The following FBXL2 variants were observed in gnomAD, a reference collection of about 807,000 sequenced individuals.
FBXL2 encodes the protein F-box/LRR-repeat protein 2.
FBXL2 carries 38 observed loss-of-function variants against 69.2 expected under a neutral mutation model. That is an observed-to-expected ratio of 0.55 (90% CI 0.42 to 0.72). The LOEUF (loss-of-function observed/expected upper bound fraction) is 0.72. Among genes scored for constraint, FBXL2 ranks in the 30% least tolerant of loss-of-function variants. The pLI, the probability that FBXL2 is intolerant of heterozygous loss-of-function variation, is 0.00. For synonymous variants in FBXL2, 192 were observed against 201.3 expected (o/e 0.95, Z 0.39); for missense variants, 354 against 520.3 (o/e 0.68, Z 3.11).
chr3:33,375,113 C>T lies in FBXL2; in HGVS notation c.658-175C>T, dbSNP rs560243824. Reference sequence around the variant, plus strand: ...TCTAAATTGCTGAAATATTTTAAAGCTGTGCAGAGATAACACAAGTACCTG... The same window carrying T: ...TCTAAATTGCTGAAATATTTTAAAGTTGTGCAGAGATAACACAAGTACCTG... On this transcript the variant is annotated intron_variant, in intron 9 of 14. Transcript: ENST00000484457. Among the ~76,000 whole-genome samples, 4 of 152,254 alleles carry T rather than the reference C, an allele frequency of 2.6e-5. No homozygotes were observed. The East Asian group carries it at 5.8e-4, about 22-fold the overall frequency.
At chr3:33,281,454 T>G (rs1338368683) in intron 1 of FBXL2, among the ~76,000 whole-genome samples, 1 of 152,110 alleles carries the variant, frequency 6.6e-6, no homozygotes, top group Non-Finnish European at 1.5e-5. Context: ...TTGTTGGACA[T>G]TTGGGTTGGT....
At chr3:33,343,478 A>G (rs1282574234) in intron 2 of FBXL2, among the ~76,000 whole-genome samples, 1 of 152,078 alleles carries the variant, frequency 6.6e-6, no homozygotes, top group Non-Finnish European at 1.5e-5. Flanking sequence ...TGGCATTAAT[A>G]ATAATGGAAC....
At chr3:33,349,683 T>G (rs914176855) in intron 2 of FBXL2, among the ~76,000 whole-genome samples, 3 of 152,186 alleles carry the variant, frequency 2.0e-5, no homozygotes, top group Non-Finnish European at 1.5e-5. Context: ...GTATTAATTT[T>G]TCTTCAAATG....
chr3:33,383,945 G>C lies in FBXL2; in HGVS notation c.952-44G>C, dbSNP rs2043230265. On this transcript the variant is annotated intron_variant, in intron 13 of 14. Transcript: ENST00000484457. ...GCTTTTTTTTAGGACTTGAGCCTTG[G>C]AATAAGGGTCCTGCAAACATTTACT... 12 of 1,591,318 alleles carry C rather than the reference G, an allele frequency of 7.5e-6. No homozygotes were observed. The East Asian group carries it at 2.5e-4, about 33-fold the overall frequency.
rs2042615852 is a variant in FBXL2, at chr3:33,376,089, G to A, written c.788+671G>A. 3.3e-5 allele frequency among the ~76,000 whole-genome samples: 5 copies of A among 151,866 alleles called. No individual in the cohort carries two copies. In the South Asian group the frequency reaches 1.0e-3, roughly 32 times the overall value. On this transcript the variant is annotated intron_variant, in intron 10 of 14. Transcript: ENST00000484457. Reference sequence around the variant, plus strand: ...GAGAATTGCTTGAACCCGCGAGGCGGAGGTTGCAGTGAGCCAAGATTGTGC... The same window carrying A: ...GAGAATTGCTTGAACCCGCGAGGCGAAGGTTGCAGTGAGCCAAGATTGTGC...
intron 2 of FBXL2, among the ~76,000 whole-genome samples, chr3:33,347,715 T>TATATCCA (rs2040548311): frequency 6.6e-6 from 1 of 152,218 alleles, no homozygotes; most frequent in African/African-American, 2.4e-5. Context: ...TAAGTCATTT[T>TATATCCA]AACTGGGGTG....
chr3:33,285,590 C>T (rs2034522885), intron 1 of FBXL2, among the ~76,000 whole-genome samples: 1 of 152,154 alleles, frequency 6.6e-6, no homozygotes, highest in African/African-American at 2.4e-5. Context: ...GTTGGCCTGC[C>T]TTGCTAGGTT....
rs536820148 is a variant in FBXL2 at position 33,377,255 on chromosome 3, TACCCAC to T, written c.789-17_789-12del. On this transcript the variant is annotated splice_polypyrimidine_tract_variant and intron_variant, in intron 10 of 14. Transcript: ENST00000484457. ...CTAGTTGGTACCGTTTTCTCCCCTGTACCCACTTTCTCCTCAGAATTTTGGAGGCTG... is the reference window on the plus strand; with the variant it reads ...CTAGTTGGTACCGTTTTCTCCCCTGTTTTCTCCTCAGAATTTTGGAGGCTG... 98 of 1,613,342 alleles carry T rather than the reference TACCCAC, an allele frequency of 6.1e-5. 1 individual carries two copies. Among genetic ancestry groups the T allele is most frequent in the Middle Eastern group, 3.3e-4 (2 of 6,084 alleles).
At chr3:33,388,750 T>TA (rs1181377059), downstream of FBXL2, 1 of 152,236 alleles carries the variant, frequency 6.6e-6, no homozygotes, top group Non-Finnish European at 1.5e-5. Context: ...CTATAGGAGT[T>TA]ACAGATATTT....
Position 33,343,920 on chromosome 3 carries a change from A to G in FBXL2, c.66-15047A>G, listed in dbSNP as rs1405563875. On this transcript the variant is annotated intron_variant, in intron 2 of 14. Coordinates refer to ENST00000484457, the MANE Select transcript of FBXL2 (RefSeq NM_012157.5). The stretch of plus-strand genomic sequence containing the variant: ...CAGACATACTAGCCAATGAAATTAG[A>G]CAAGAAACAGAAATAAAAAATATAT... 2.6e-5 allele frequency among the ~76,000 whole-genome samples: 4 copies of G among 152,130 alleles called. No homozygotes were observed. In the East Asian group the frequency reaches 7.7e-4, roughly 29 times the overall value.
At chr3:33,407,681 G>A (rs1393672793), downstream of FBXL2, among the ~76,000 whole-genome samples, 1 of 152,148 alleles carries the variant, frequency 6.6e-6, no homozygotes, top group African/African-American at 2.4e-5. Flanking sequence ...TTGGAAATGA[G>A]TTTCTTGTGA....
the FBXL2 span, chr3:33,411,736 A>C: frequency 6.8e-7 from 1 of 1,462,576 alleles, no homozygotes; most frequent in Non-Finnish European, 9.6e-7. Context: ...TAAATAACTT[A>C]AAAAACTTAC....
intron 9 of FBXL2, 134 bp downstream of exon 9, chr3:33,374,055 CT>C: frequency 1.4e-6 from 1 of 704,942 alleles, no homozygotes. Flanking sequence ...ATCCTGTGTC[CT>C]TATATAACCT....
At chr3:33,337,609 A>G (rs1202295460) in intron 2 of FBXL2, among the ~76,000 whole-genome samples, 1 of 152,226 alleles carries the variant, frequency 6.6e-6, no homozygotes, top group Non-Finnish European at 1.5e-5. Context: ...GGGAAGTTCT[A>G]GCCATAGCAA....
chr3:33,416,735 G>C, the FBXL2 span: 1 of 1,551,506 alleles, frequency 6.4e-7, no homozygotes, highest in Admixed American at 1.8e-5. Flanking sequence ...TATCCATTGG[G>C]AATTAAAATG....
chr3:33,385,879 A>G lies in FBXL2; in HGVS notation c.*271A>G, dbSNP rs907003713. ...ACCATGCCAGAAACCTGGATCTCTT[A>G]AGAGATTGGTACCTACCTAGGTACG... is the stretch of plus-strand genomic sequence containing the variant. On this transcript the variant is annotated 3_prime_UTR_variant, in exon 15 of 15. Coordinates refer to ENST00000484457, the MANE Select transcript of FBXL2 (RefSeq NM_012157.5). The G allele has an allele frequency of 2.1e-6, 1 of 474,036 alleles. No individual in the cohort carries two copies. The highest frequency in any genetic ancestry group is 3.8e-6 in the Non-Finnish European group (1 of 262,086). The allele number at this position is 474,036 out of a possible 1,614,324, so 29.4% of individuals were successfully genotyped here.
chr3:33,318,805 C>G (rs1435157023), intron 2 of FBXL2, among the ~76,000 whole-genome samples: 2 of 152,206 alleles, frequency 1.3e-5, no homozygotes, highest in African/African-American at 2.4e-5. Flanking sequence ...GGGCAATCCT[C>G]CTCTCTGTAG....
chr3:33,396,916 A>C (rs768574919), intron 12 of FBXL2: 24 of 835,802 alleles, frequency 2.9e-5, no homozygotes, highest in Non-Finnish European at 4.8e-5. Context: ...TGTGAGCACA[A>C]TGCTGCCAAT....
intron 5 of FBXL2, among the ~76,000 whole-genome samples, chr3:33,371,016 C>G (rs1041306373): frequency 6.6e-6 from 1 of 152,018 alleles, no homozygotes; most frequent in Non-Finnish European, 1.5e-5. Context: ...TCCTACAGTT[C>G]GTTCATGCTC....
Sources: allele counts gnomAD v4.1 joint callset (sites outside exome capture counted in the v4.1 genomes callset), GRCh38; gene constraint gnomAD v4.1.1; transcripts MANE v1.5; gene names NCBI Gene and HGNC (gene_info 2026-07-23, HGNC 2026-07-21).